Variants in EYS observed in about 807,000 individuals in gnomAD.
EYS encodes EGF-like photoreceptor maintenance factor.
Under a neutral mutation model 282.1 loss-of-function variants are expected in EYS, and 250 were observed. The observed-to-expected ratio is 0.89, with a 90% CI of 0.80 to 0.98. The LOEUF is 0.98. Ranked by LOEUF, EYS falls within the 50% of genes least tolerant of loss-of-function variation. The pLI is 0.00. For synonymous variants in EYS, 1,355 were observed against 1,282.9 expected (o/e 1.06, Z -1.20); for missense variants, 4,016 against 3,709.0 (o/e 1.08, Z -2.15).
chr6:64,185,808 C>T (rs1213303087), intron 31 of EYS, among the ~76,000 whole-genome samples: 2 of 152,136 alleles, frequency 1.3e-5, no homozygotes, highest in South Asian at 2.1e-4. Context: ...AACTACGTGT[C>T]AGAGAGCTAC....
At chr6:65,259,274 A>T (rs1262788086) in intron 12 of EYS, among the ~76,000 whole-genome samples, 2 of 152,064 alleles carry the variant, frequency 1.3e-5, no homozygotes, top group African/African-American at 4.8e-5. Flanking sequence ...TCCTGGTGGT[A>T]ACAAATGAAG....
chr6:63,766,721 G>A (rs1293222818), intron 40 of EYS, among the ~76,000 whole-genome samples: 1 of 152,008 alleles, frequency 6.6e-6, no homozygotes, highest in Non-Finnish European at 1.5e-5. Flanking sequence ...GGAATCTAAG[G>A]AAGAGAGAGG....
intron 12 of EYS, among the ~76,000 whole-genome samples, chr6:65,141,845 A>G (rs1431621158): frequency 6.6e-6 from 1 of 152,086 alleles, no homozygotes; most frequent in African/African-American, 2.4e-5. Flanking sequence ...CAGCAATCCT[A>G]TCTTTCAGAA....
At chr6:63,845,816 A>G (rs1772083865) in intron 36 of EYS, among the ~76,000 whole-genome samples, 1 of 152,172 alleles carries the variant, frequency 6.6e-6, no homozygotes. Flanking sequence ...GCTTTTAGAT[A>G]TTGGCAGAAA....
intron 14 of EYS, among the ~76,000 whole-genome samples, chr6:64,982,075 C>T: frequency 6.6e-6 from 1 of 151,498 alleles, no homozygotes; most frequent in African/African-American, 2.4e-5. Context: ...AATATCTTTC[C>T]TTTCCCTCTA....
intron 30 of EYS, among the ~76,000 whole-genome samples, chr6:64,265,665 C>T (rs1321338742): frequency 2.0e-5 from 3 of 152,096 alleles, no homozygotes; most frequent in South Asian, 2.1e-4. Flanking sequence ...GTATGTTGAC[C>T]TTAGTCACAT....
chr6:63,888,761 A>C (rs1773332516), intron 35 of EYS, among the ~76,000 whole-genome samples: 1 of 152,228 alleles, frequency 6.6e-6, no homozygotes, highest in African/African-American at 2.4e-5. Context: ...TCGTGTAAGC[A>C]AGGGCACAAA....
intron 12 of EYS, among the ~76,000 whole-genome samples, chr6:65,268,904 C>CA (rs1445993206): frequency 1.3e-5 from 2 of 151,686 alleles, no homozygotes; most frequent in African/African-American, 4.8e-5. Context: ...GTAAAACTTT[C>CA]AAAAATGCAG....
At chr6:65,185,288 A>G (rs560294457) in intron 12 of EYS, among the ~76,000 whole-genome samples, 10 of 151,926 alleles carry the variant, frequency 6.6e-5, no homozygotes, top group African/African-American at 2.4e-4. Context: ...GAACTTTTTC[A>G]ATACAAGTGT....
At chr6:64,508,649 A>AT (rs1212257851) in intron 26 of EYS, among the ~76,000 whole-genome samples, 4 of 150,382 alleles carry the variant, frequency 2.7e-5, no homozygotes, top group African/African-American at 9.7e-5. Flanking sequence ...GTGGTTTTCA[A>AT]TCTTGTTGGT....
intron 26 of EYS, among the ~76,000 whole-genome samples, chr6:64,547,319 A>C (rs1326959179): frequency 6.6e-6 from 1 of 152,066 alleles, no homozygotes; most frequent in Non-Finnish European, 1.5e-5. Context: ...TTTTACAGAG[A>C]GCCGACTGCT....
At chr6:64,110,533 CTA>C (rs1773171747) in intron 31 of EYS, among the ~76,000 whole-genome samples, 1 of 151,836 alleles carries the variant, frequency 6.6e-6, no homozygotes, top group African/African-American at 2.4e-5. Flanking sequence ...TTGGCTATGG[CTA>C]TATGGATCTG....
At chr6:64,897,821 A>G (rs763742726) in intron 18 of EYS, among the ~76,000 whole-genome samples, 5 of 152,242 alleles carry the variant, frequency 3.3e-5, no homozygotes. Flanking sequence ...ACAAGTATCA[A>G]TAGCTGAATA....
intron 12 of EYS, among the ~76,000 whole-genome samples, chr6:65,270,988 A>G (rs887965633): frequency 1.3e-5 from 2 of 151,544 alleles, no homozygotes; most frequent in African/African-American, 4.8e-5. Context: ...AGCTTCTTCT[A>G]GCATATACTT....
intron 2 of EYS, among the ~76,000 whole-genome samples, chr6:65,535,471 AT>A (rs1368371227): frequency 3.3e-5 from 5 of 151,934 alleles, no homozygotes; most frequent in Admixed American, 3.3e-4. Context: ...GTAAGATGTG[AT>A]TTTGCTTCTC....
At chr6:65,380,549 A>T (rs1765570958) in intron 8 of EYS, among the ~76,000 whole-genome samples, 1 of 152,180 alleles carries the variant, frequency 6.6e-6, no homozygotes, top group Admixed American at 6.6e-5. Context: ...ACCATTCAGG[A>T]CATAGGCATG....
At chr6:63,847,882 A>G (rs939481409) in intron 36 of EYS, among the ~76,000 whole-genome samples, 2 of 152,234 alleles carry the variant, frequency 1.3e-5, no homozygotes, top group Admixed American at 6.5e-5. Context: ...AATACTTTTC[A>G]ATGTACTTAA....
rs555014009 is a variant in EYS, at chr6:63,863,954, G to A, written c.7228+232C>T. On this transcript the variant is annotated intron_variant, in intron 36 of 42. Coordinates refer to ENST00000503581, the MANE Select transcript of EYS (RefSeq NM_001142800.2). ...GTCCCAAAGTGCTGGGATTACAGGC[G>A]TGAGCCACTGTACCTAGCCACCACT... Among the ~76,000 whole-genome samples the A allele has an allele frequency of 3.3e-5, 5 of 152,210 alleles. No individual in the cohort carries two copies. In the East Asian group the frequency reaches 5.8e-4, roughly 18 times the overall value.
At chr6:65,279,583 A>T (rs1388647802) in intron 12 of EYS, among the ~76,000 whole-genome samples, 2 of 152,116 alleles carry the variant, frequency 1.3e-5, no homozygotes, top group African/African-American at 4.8e-5. Context: ...CATTCCCCCA[A>T]AATAGTTGCA....
Sources: allele counts gnomAD v4.1 joint callset (sites outside exome capture counted in the v4.1 genomes callset), GRCh38; gene constraint gnomAD v4.1.1; transcripts MANE v1.5; gene names NCBI Gene and HGNC (gene_info 2026-07-23, HGNC 2026-07-21).